The following SLC24A2 variants were observed in gnomAD, a reference collection of about 807,000 sequenced individuals.
The protein encoded by SLC24A2 is solute carrier family 24 member 2, also known as sodium/potassium/calcium exchanger 2.
SLC24A2 carries 36 observed loss-of-function variants against 62.0 expected under a neutral mutation model. That is an observed-to-expected ratio of 0.58 (90% CI 0.44 to 0.77). SLC24A2 has a LOEUF of 0.77. Ranked by LOEUF, SLC24A2 falls within the 30% of genes least tolerant of loss-of-function variation. The pLI is 0.00. For synonymous variants in SLC24A2, 358 were observed against 294.0 expected (o/e 1.22, Z -2.23); for missense variants, 846 against 817.9 (o/e 1.03, Z -0.42).
intron 5 of SLC24A2, among the ~76,000 whole-genome samples, chr9:19,587,680 G>C (rs535805904): frequency 1.3e-5 from 2 of 151,894 alleles, no homozygotes; most frequent in African/African-American, 4.8e-5. Flanking sequence ...GAGCTTCATG[G>C]TTGAGGGGAA....
chr9:19,659,125 T>G (rs1264690762), intron 2 of SLC24A2, among the ~76,000 whole-genome samples: 4 of 151,964 alleles, frequency 2.6e-5, no homozygotes, highest in Admixed American at 6.6e-5. Context: ...CCAATATGAG[T>G]CGAGTCCTTA....
the SLC24A2 span, among the ~76,000 whole-genome samples, chr9:20,277,258 T>G: frequency 3.3e-5 from 5 of 152,152 alleles, no homozygotes; most frequent in African/African-American, 1.2e-4. Flanking sequence ...AATAAAGAGC[T>G]TCTGCACAGC....
the SLC24A2 span, among the ~76,000 whole-genome samples, chr9:19,899,162 T>C: frequency 6.6e-6 from 1 of 152,200 alleles, no homozygotes; most frequent in Admixed American, 6.5e-5. Flanking sequence ...CAAAGTCTCA[T>C]GGATGTGTCT....
the SLC24A2 span, among the ~76,000 whole-genome samples, chr9:19,981,054 A>G: frequency 0.011 from 1,619 of 152,350 alleles, 30 homozygotes; most frequent in African/African-American, 0.035. Flanking sequence ...GGAGCAATAA[A>G]AAGATGCTGA....
In SLC24A2 at chr9:19,755,529, G is replaced by A. The variant is rs113858035; in HGVS notation, c.930+30408C>T. ...CGGAAATAGTGTGAAACAGGTGGCC[G>A]GGTGTGGAAGTATGACAAAGAGGGG... On this transcript the variant is annotated intron_variant, in intron 2 of 10. Transcript: ENST00000341998. Among the ~76,000 whole-genome samples the A allele has an allele frequency of 2.9e-3, 437 of 152,276 alleles. 1 individual carries two copies. Among genetic ancestry groups the A allele is most frequent in the African/African-American group, 0.01 (417 of 41,560 alleles).
chr9:19,753,488 T>G (rs535105805), intron 2 of SLC24A2, among the ~76,000 whole-genome samples: 1 of 152,320 alleles, frequency 6.6e-6, no homozygotes, highest in East Asian at 1.9e-4. Flanking sequence ...TGCTTATTAG[T>G]CAGACTGGCA....
chr9:20,283,762 G>A, the SLC24A2 span, among the ~76,000 whole-genome samples: 2 of 134,532 alleles, frequency 1.5e-5, no homozygotes, highest in Admixed American at 7.5e-5. Context: ...GGGGGGGGGG[G>A]GCTTTAATCT....
At chr9:20,102,714 C>T in the SLC24A2 span, among the ~76,000 whole-genome samples, 1 of 150,884 alleles carries the variant, frequency 6.6e-6, no homozygotes, top group Non-Finnish European at 1.5e-5. Flanking sequence ...ATAAGACTGG[C>T]AGCCAAGATG....
chr9:19,886,711 C>T, the SLC24A2 span, among the ~76,000 whole-genome samples: 1 of 152,034 alleles, frequency 6.6e-6, no homozygotes, highest in Admixed American at 6.5e-5. Flanking sequence ...GGTATATACC[C>T]AAAGGAATAT....
At chr9:20,124,332 T>C in the SLC24A2 span, among the ~76,000 whole-genome samples, 1 of 151,976 alleles carries the variant, frequency 6.6e-6, no homozygotes, top group Non-Finnish European at 1.5e-5. Flanking sequence ...TCTGATTCTG[T>C]ACCATAAACC....
rs74443559 is a variant in SLC24A2, at chr9:19,599,269, C to T, written c.1079-1990G>A. On this transcript the variant is annotated intron_variant, in intron 4 of 10. Coordinates refer to ENST00000341998, the MANE Select transcript of SLC24A2 (RefSeq NM_020344.4). The surrounding 1 kb of genome is among the most constrained non-coding windows in gnomAD (Gnocchi z 4.5). ...ATATCGGACAAAGCTCACACATTCT[C>T]GACAACGTGGCAATGTCTAGATCGC... Among the ~76,000 whole-genome samples the T allele has an allele frequency of 0.014, 2,122 of 152,264 alleles. 53 individuals are homozygous for T. The highest frequency in any genetic ancestry group is 0.049 in the African/African-American group (2,040 of 41,546).
chr9:20,214,985 CATAT>C, the SLC24A2 span, among the ~76,000 whole-genome samples: 2 of 152,202 alleles, frequency 1.3e-5, no homozygotes, highest in Admixed American at 6.5e-5. Flanking sequence ...CTACCTAATG[CATAT>C]ATCTGTACAT....
the SLC24A2 span, among the ~76,000 whole-genome samples, chr9:20,058,631 A>G: frequency 6.6e-6 from 1 of 152,210 alleles, no homozygotes; most frequent in African/African-American, 2.4e-5. Flanking sequence ...TATATCAAAT[A>G]CAGGCTGCAT....
At chr9:19,797,159 G>C in the SLC24A2 span, among the ~76,000 whole-genome samples, 1 of 151,978 alleles carries the variant, frequency 6.6e-6, no homozygotes, top group South Asian at 2.1e-4. Flanking sequence ...AGGTCTAGTA[G>C]CTTCTCTTAT....
At chr9:19,732,028 A>C (rs1056647756) in intron 2 of SLC24A2, among the ~76,000 whole-genome samples, 2 of 152,230 alleles carry the variant, frequency 1.3e-5, no homozygotes, top group African/African-American at 4.8e-5. Context: ...TTGGGTTGGC[A>C]CATGGCAGGT....
intron 2 of SLC24A2, among the ~76,000 whole-genome samples, chr9:19,667,790 C>G (rs1389085298): frequency 6.6e-6 from 1 of 152,206 alleles, no homozygotes; most frequent in Non-Finnish European, 1.5e-5. Context: ...CTGTTCCATG[C>G]TGTCTGCAGC....
chr9:19,705,358 C>A, intron 2 of SLC24A2: 2 of 156,338 alleles, frequency 1.3e-5, no homozygotes, highest in South Asian at 3.6e-4. Flanking sequence ...AGAAGCTGTT[C>A]AACCACCTGT....
chr9:19,526,398 T>C (rs1158644348), intron 9 of SLC24A2, among the ~76,000 whole-genome samples: 1 of 152,214 alleles, frequency 6.6e-6, no homozygotes, highest in East Asian at 1.9e-4. Context: ...ATGGTAACTC[T>C]ATGTTTAATG....
the SLC24A2 span, among the ~76,000 whole-genome samples, chr9:19,886,519 C>T: frequency 6.6e-6 from 1 of 152,114 alleles, no homozygotes; most frequent in Non-Finnish European, 1.5e-5. Context: ...CCATCTCATG[C>T]CAGCTAGAAT....
Sources: gnomAD v4.1 joint callset for allele counts (sites outside exome capture counted in the v4.1 genomes callset) on GRCh38, gnomAD v4.1.1 for gene constraint, Gnocchi (gnomAD v3.1) non-coding constraint, MANE v1.5 for transcripts, NCBI Gene and HGNC (gene_info 2026-07-23, HGNC 2026-07-21) for gene names.